Variants in IKZF2 observed in about 807,000 individuals in gnomAD.
The protein encoded by IKZF2 is IKAROS family zinc finger 2, also known as zinc finger protein Helios.
Under a neutral mutation model 49.2 loss-of-function variants are expected in IKZF2, and 15 were observed. The observed-to-expected ratio is 0.30, with a 90% CI of 0.20 to 0.47. The LOEUF is 0.47. IKZF2 is among the 20% of genes least tolerant of loss of function. IKZF2 has a pLI of 1.00. For missense variants in IKZF2, 567 were observed against 664.6 expected, an observed-to-expected ratio of 0.85 and a Z score of 1.61; for synonymous variants, 227 against 221.4, an observed-to-expected ratio of 1.03 and a Z score of -0.23.
intron 8 of IKZF2, among the ~76,000 whole-genome samples, chr2:213,010,251 T>C (rs1695798177): frequency 1.3e-5 from 2 of 152,070 alleles, no homozygotes; most frequent in African/African-American, 4.8e-5. Flanking sequence ...CATCAGTTGA[T>C]AGAAAGCAAC....
At chr2:213,093,213 A>G (rs1376651136) in intron 4 of IKZF2, among the ~76,000 whole-genome samples, 2 of 152,160 alleles carry the variant, frequency 1.3e-5, no homozygotes, top group African/African-American at 4.8e-5. Flanking sequence ...TGTTGCTTTT[A>G]GGATAAAAAT....
At chr2:213,072,800 G>A (rs1448592670) in intron 4 of IKZF2, among the ~76,000 whole-genome samples, 1 of 152,036 alleles carries the variant, frequency 6.6e-6, no homozygotes, top group Non-Finnish European at 1.5e-5. Context: ...AATTAAGTAT[G>A]GCCTAGAAGA....
chr2:213,022,222 C>G (rs922289404), intron 6 of IKZF2, 92 bp from the exon 7 acceptor site: 100 of 1,231,532 alleles, frequency 8.1e-5, no homozygotes, highest in Non-Finnish European at 1.0e-4. Flanking sequence ...GGAGGAAGCA[C>G]TCATATAATT....
intron 5 of IKZF2, among the ~76,000 whole-genome samples, chr2:213,051,426 G>T (rs1197368623): frequency 6.6e-6 from 1 of 151,698 alleles, no homozygotes; most frequent in Non-Finnish European, 1.5e-5. Context: ...TGTACAAGAG[G>T]TCCTATATTG....
intron 4 of IKZF2, among the ~76,000 whole-genome samples, chr2:213,108,149 T>C (rs2059593066): frequency 6.6e-6 from 1 of 152,124 alleles, no homozygotes; most frequent in Admixed American, 6.5e-5. Flanking sequence ...AATGGGTGCA[T>C]GCTTTGATGT....
intron 4 of IKZF2, chr2:213,081,207 A>G (rs886822543): frequency 1.7e-4 from 27 of 154,716 alleles, no homozygotes; most frequent in African/African-American, 6.3e-4. Context: ...CCAGCAATCA[A>G]CAAACTGGAG....
chr2:213,051,901 C>T (rs1700711260), intron 5 of IKZF2, among the ~76,000 whole-genome samples: 1 of 151,958 alleles, frequency 6.6e-6, no homozygotes, highest in Non-Finnish European at 1.5e-5. Context: ...AATTTGAAGT[C>T]ATGTCTGCCT....
At chr2:213,147,921 G>C (rs1257167372) in intron 3 of IKZF2, 109 bp from the exon 4 acceptor site, 2 of 719,472 alleles carry the variant, frequency 2.8e-6, no homozygotes, top group African/African-American at 3.5e-5. Context: ...AAACTGTAAG[G>C]TAATACATTT....
chr2:213,058,417 T>C (rs902703345), intron 4 of IKZF2, among the ~76,000 whole-genome samples: 5 of 152,036 alleles, frequency 3.3e-5, no homozygotes, highest in Admixed American at 3.3e-4. Context: ...CGACTTCCTA[T>C]GGTTGCTGTG....
chr2:213,094,491 A>T (rs7560565), intron 4 of IKZF2, among the ~76,000 whole-genome samples: 13,446 of 152,106 alleles, frequency 0.088, 1,063 homozygotes, highest in African/African-American at 0.21. Context: ...CCAGGGTACC[A>T]TCTTTCCTGG....
intron 1 of IKZF2, among the ~76,000 whole-genome samples, chr2:213,150,775 A>G (rs1470761582): frequency 1.3e-5 from 2 of 151,174 alleles, no homozygotes; most frequent in African/African-American, 4.9e-5. Context: ...ACTTCACAGG[A>G]CTGTTTTTGG....
At chr2:213,021,915 A>G (rs1297197499) in intron 7 of IKZF2, 78 bp downstream of exon 7, 4 of 1,453,026 alleles carry the variant, frequency 2.8e-6, no homozygotes, top group South Asian at 1.4e-5. Context: ...AGTTTTAAAC[A>G]GCATAAGATT....
chr2:213,032,476 G>A (rs953341572), intron 6 of IKZF2, among the ~76,000 whole-genome samples: 1 of 152,194 alleles, frequency 6.6e-6, no homozygotes, highest in Admixed American at 6.5e-5. Context: ...GCTCACACCT[G>A]TAATACAAGC....
At chr2:213,049,398 G>A (rs1700469537) in intron 6 of IKZF2, among the ~76,000 whole-genome samples, 1 of 151,788 alleles carries the variant, frequency 6.6e-6, no homozygotes, top group Non-Finnish European at 1.5e-5. Context: ...CACTTATCTT[G>A]GATTAACCAT....
At chr2:213,066,313 G>A (rs1341126036) in intron 4 of IKZF2, among the ~76,000 whole-genome samples, 1 of 151,946 alleles carries the variant, frequency 6.6e-6, no homozygotes, top group African/African-American at 2.4e-5. Context: ...TTCTATCACT[G>A]GGCAACGGCA....
intron 7 of IKZF2, among the ~76,000 whole-genome samples, chr2:213,020,103 G>A (rs931797137): frequency 1.3e-5 from 2 of 152,234 alleles, no homozygotes; most frequent in Admixed American, 1.3e-4. Context: ...TGCAATGGGA[G>A]AATATAATAT....
chr2:213,080,840 A>G (rs11380447), intron 4 of IKZF2, among the ~76,000 whole-genome samples: 61,530 of 146,524 alleles, frequency 0.42, 13,153 homozygotes, highest in African/African-American at 0.53. Context: ...ATATGGAAGG[A>G]AAAAAAAAGC....
intron 4 of IKZF2, among the ~76,000 whole-genome samples, chr2:213,139,542 A>G (rs1439706274): frequency 6.7e-6 from 1 of 150,012 alleles, no homozygotes; most frequent in Non-Finnish European, 1.5e-5. Context: ...TCCAGCTCCT[A>G]TGTTTGTTGG....
chr2:213,105,731 A>T (rs1334437813), intron 4 of IKZF2, among the ~76,000 whole-genome samples: 1 of 152,224 alleles, frequency 6.6e-6, no homozygotes, highest in Non-Finnish European at 1.5e-5. Flanking sequence ...GCTACAAATC[A>T]GAATTCTGCA....
Sources: gnomAD v4.1 joint callset for allele counts (sites outside exome capture counted in the v4.1 genomes callset) on GRCh38, gnomAD v4.1.1 for gene constraint, MANE v1.5 for transcripts, NCBI Gene and HGNC (gene_info 2026-07-23, HGNC 2026-07-21) for gene names.